Variants in IQGAP3 observed in about 807,000 individuals in gnomAD.
IQGAP3 encodes the protein ras GTPase-activating-like protein IQGAP3.
IQGAP3 carries 165 observed loss-of-function variants against 208.2 expected under a neutral mutation model. That is an observed-to-expected ratio of 0.79 (90% CI 0.70 to 0.90). IQGAP3 has a LOEUF of 0.90. Ranked by LOEUF, IQGAP3 falls within the 40% of genes least tolerant of loss-of-function variation. IQGAP3 has a pLI of 0.00. For synonymous variants in IQGAP3, 703 were observed against 803.6 expected, an observed-to-expected ratio of 0.87 and a Z score of 2.12; for missense variants, 1,811 against 2,043.1, an observed-to-expected ratio of 0.89 and a Z score of 2.19.
intron 12 of IQGAP3, among the ~76,000 whole-genome samples, chr1:156,555,234 C>G (rs556145210): frequency 5.9e-5 from 9 of 152,084 alleles, no homozygotes; most frequent in Non-Finnish European, 1.2e-4. Context: ...AGCACCCTTC[C>G]TATTTTCTTC....
chr1:156,528,367 G>T, intron 36 of IQGAP3, 142 bp downstream of exon 36: 2 of 659,536 alleles, frequency 3.0e-6, no homozygotes, highest in South Asian at 1.9e-5. Context: ...GTCTGGGCAT[G>T]CTCTGTCTCC....
In IQGAP3 at chr1:156,561,041, C is replaced by G. The variant is rs1177107500; in HGVS notation, c.1042-20G>C. ...CAGCTCCTAAGAGAGGGAAGAGATA[C>G]AGTAGAATGGAGTCCTTCCGGGGCC... On this transcript the variant is annotated intron_variant, in intron 10 of 37. Coordinates refer to ENST00000361170, the MANE Select transcript of IQGAP3 (RefSeq NM_178229.5). 6.3e-7 allele frequency: 1 copy of G among 1,579,812 alleles called. No homozygotes were observed. The highest frequency in any genetic ancestry group is 8.7e-7 in the Non-Finnish European group (1 of 1,149,364).
intron 7 of IQGAP3, 61 bp from the exon 8 acceptor site, chr1:156,563,373 C>T: frequency 6.7e-7 from 1 of 1,500,638 alleles, no homozygotes; most frequent in Non-Finnish European, 9.0e-7. Context: ...TGGAGCGCAA[C>T]CAGTAGCAGC....
chr1:156,552,055 T>C lies in IQGAP3; in HGVS notation c.1489A>G (p.Met497Val). ...TTCCAGCTCAGGAAGTCCTCACCCA[T>C]CCCACGCTCCTGTCGCAATTTCAGC... ...ALLKLRQERG[M>V]GEDFLSWNDL... Residue 497 changes from methionine to valine, a missense_variant, in exon 14 of 38, where the codon ATG becomes GTG. Met to Val is a conservative substitution (Grantham distance 21). Transcript: ENST00000361170. 1 of 1,614,092 alleles carries C rather than the reference T, an allele frequency of 6.2e-7. No individual in the cohort carries two copies. Among genetic ancestry groups the C allele is most frequent in the African/African-American group, 1.3e-5 (1 of 75,026 alleles).
At position 156,529,027 on chromosome 1, in the gene IQGAP3, A is replaced by G; in HGVS notation, c.4460T>C (p.Leu1487Pro). Reference sequence around the variant, plus strand: ...GCTCAGGCCCTGTAATGTGGCCTGCAGCTTCACCAGCTCTGCCTTCCGCCT... The same window carrying G: ...GCTCAGGCCCTGTAATGTGGCCTGCGGCTTCACCAGCTCTGCCTTCCGCCT... Reference protein sequence around the residue: ...RHRRKAELVKLQATLQGLSTK... With the variant: ...RHRRKAELVKPQATLQGLSTK... The change falls in exon 35 of 38, where the codon CTG (leucine) becomes CCG (proline). Residue 1487 changes from leucine (L) to proline (P), a missense_variant. Physicochemically the swap from Leu to Pro is moderately conservative, Grantham distance 98. Coordinates refer to ENST00000361170, the MANE Select transcript of IQGAP3 (RefSeq NM_178229.5). 1 of 1,614,220 alleles carries G rather than the reference A, an allele frequency of 6.2e-7. No homozygotes were observed. The highest frequency in any genetic ancestry group is 8.5e-7 in the Non-Finnish European group (1 of 1,180,044).
At chr1:156,529,147 C>A in intron 34 of IQGAP3, 65 bp from the exon 35 acceptor site, 1 of 1,530,794 alleles carries the variant, frequency 6.5e-7, no homozygotes, top group Non-Finnish European at 9.0e-7. Flanking sequence ...TAGGGCCTGA[C>A]ACAGGCCCAA....
intron 37 of IQGAP3, 64 bp from the exon 38 acceptor site, chr1:156,526,663 T>TAA (rs1264142621): frequency 9.1e-7 from 1 of 1,102,256 alleles, no homozygotes; most frequent in Admixed American, 1.8e-5. Context: ...TCAGATGGTG[T>TAA]ACAAAACACT....
In IQGAP3 at chr1:156,540,871, T is replaced by C. The variant is rs1202741406; in HGVS notation, c.2576A>G (p.His859Arg). 2 of 1,613,964 alleles carry C rather than the reference T, an allele frequency of 1.2e-6. No individual in the cohort carries two copies. Among genetic ancestry groups the C allele is most frequent in the African/African-American group, 2.7e-5 (2 of 74,968 alleles). Residue 859 changes from histidine (H) to arginine (R), a missense_variant, in exon 23 of 38, where the codon CAT becomes CGT. By Grantham distance (29) the His-to-Arg change is conservative. Coordinates refer to ENST00000361170, the MANE Select transcript of IQGAP3 (RefSeq NM_178229.5). ...GTCTTGCTGGCTTTGATTCAAGAGA[T>C]GGGCAAATCTGCGTACCACACTGAG... ...PPLSVVRRFAHLLNQSQQDFL... is the reference protein window; with the variant it reads ...PPLSVVRRFARLLNQSQQDFL...
chr1:156,547,976 A>C, intron 19 of IQGAP3, 97 bp downstream of exon 19: 2 of 1,140,124 alleles, frequency 1.8e-6, no homozygotes, highest in Middle Eastern at 2.0e-4. Flanking sequence ...CAGAGGCCGA[A>C]AGGTCATTCC....
chr1:156,563,417 G>T, intron 7 of IQGAP3, 105 bp from the exon 8 acceptor site: 1 of 1,382,254 alleles, frequency 7.2e-7, no homozygotes, highest in Non-Finnish European at 9.8e-7. Flanking sequence ...CCACCCTCAA[G>T]GGCCAGACAA....
intron 2 of IQGAP3, 117 bp downstream of exon 2, chr1:156,569,259 C>A: frequency 1.6e-6 from 1 of 639,142 alleles, no homozygotes; most frequent in East Asian, 2.8e-5. Context: ...TATTTCAACT[C>A]GCCCTTTCCC....
intron 13 of IQGAP3, 26 bp downstream of exon 13, chr1:156,554,209 C>A: frequency 6.3e-7 from 1 of 1,585,366 alleles, no homozygotes; most frequent in African/African-American, 1.4e-5. Context: ...TCCCTCACTC[C>A]CAATGTGTGG....
At position 156,556,638 on chromosome 1, in the gene IQGAP3, G is replaced by A. The variant is rs35160849; in HGVS notation, c.1185C>T (p.Asp395=). ...NKAIRRRVAA[D]TVKELMCPEA... Reference sequence around the variant, plus strand: ...CAGGGCACATCAGCTCCTTCACAGTGTCAGCCGCCACTCTCCTCCGGATGG... The same window carrying A: ...CAGGGCACATCAGCTCCTTCACAGTATCAGCCGCCACTCTCCTCCGGATGG... The change falls in exon 12 of 38, where the codon GAC becomes GAT. Residue 395 remains aspartate (D), a synonymous_variant. Transcript: ENST00000361170. The A allele has an allele frequency of 0.033, 53,097 of 1,608,718 alleles. 1,102 individuals carry two copies. Among genetic ancestry groups the A allele is most frequent in the Middle Eastern group, 0.043 (257 of 5,932 alleles).
chr1:156,568,435 T>C (rs1676499459), intron 2 of IQGAP3, among the ~76,000 whole-genome samples: 1 of 152,248 alleles, frequency 6.6e-6, no homozygotes, highest in Non-Finnish European at 1.5e-5. Flanking sequence ...CAGGCTGGTC[T>C]CAAACTCCTG....
At chr1:156,533,569 C>A (rs1005416964) in intron 31 of IQGAP3, among the ~76,000 whole-genome samples, 1 of 152,146 alleles carries the variant, frequency 6.6e-6, no homozygotes, top group African/African-American at 2.4e-5. Context: ...CCATGATGAT[C>A]GTGGGTCCCT....
Position 156,539,849 on chromosome 1 carries a change from A to T in IQGAP3, c.2881T>A (p.Tyr961Asn), listed in dbSNP as rs1221811202. Residue 961 changes from tyrosine (Y) to asparagine (N), a missense_variant, in exon 24 of 38, where the codon TAC (tyrosine) becomes AAC (asparagine). Coordinates refer to ENST00000361170, the MANE Select transcript of IQGAP3 (RefSeq NM_178229.5). ...AGTCCTCTGCTAACCTGGAGCAGGTAGAAGAGGTGTTGGTATGCTTCTAGT... is the reference window on the plus strand; with the variant it reads ...AGTCCTCTGCTAACCTGGAGCAGGTTGAAGAGGTGTTGGTATGCTTCTAGT... ...QKLEAYQHLF[Y>N]LLQTQPIYLA... 5.0e-6 allele frequency: 8 copies of T among 1,614,216 alleles called. No homozygotes were observed. In the Admixed American group the frequency reaches 1.3e-4, roughly 27 times the overall value.
chr1:156,537,170 GT>G lies in IQGAP3; in HGVS notation c.3422+10del, dbSNP rs1557922809. On this transcript the variant is annotated intron_variant, in intron 27 of 37. Coordinates refer to ENST00000361170, the MANE Select transcript of IQGAP3 (RefSeq NM_178229.5). ...CCCATGCGTAGGCTGGGGTGGGGCT[GT>G]TGCACATACGGAATTTGGTCCACAG... The G allele has an allele frequency of 6.2e-7, 1 of 1,611,524 alleles. No homozygotes were observed. The highest frequency in any genetic ancestry group is 2.2e-5 in the East Asian group (1 of 44,848).
intron 19 of IQGAP3, among the ~76,000 whole-genome samples, chr1:156,547,863 A>G (rs1345237480): frequency 6.6e-6 from 1 of 152,180 alleles, no homozygotes; most frequent in Admixed American, 6.5e-5. Context: ...TGAGGGAGAG[A>G]GGGTAAGTAA....
intron 11 of IQGAP3, 85 bp from the exon 12 acceptor site, chr1:156,556,778 G>A: frequency 7.9e-7 from 1 of 1,267,800 alleles, no homozygotes; most frequent in South Asian, 1.7e-5. Context: ...TCCGCCGGGG[G>A]ATCTTGGTGG....
Sources: allele counts gnomAD v4.1 joint callset (sites outside exome capture counted in the v4.1 genomes callset), GRCh38; gene constraint gnomAD v4.1.1; transcripts MANE v1.5; gene names NCBI Gene and HGNC (gene_info 2026-07-23, HGNC 2026-07-21).